Variants in CNGB1 observed in about 807,000 individuals in gnomAD.
CNGB1 encodes cyclic nucleotide gated channel subunit beta 1, also known as cyclic nucleotide-gated channel beta-1.
CNGB1 carries 126 observed loss-of-function variants against 151.7 expected under a neutral mutation model. That is an observed-to-expected ratio of 0.83 (90% CI 0.72 to 0.96). The LOEUF is 0.96. Among genes scored for constraint, CNGB1 ranks in the 40% least tolerant of loss-of-function variants. The pLI, the probability that CNGB1 is intolerant of heterozygous loss-of-function variation, is 0.00. For synonymous variants in CNGB1, 623 were observed against 635.1 expected (o/e 0.98, Z 0.29); for missense variants, 1,698 against 1,627.0 (o/e 1.04, Z -0.75).
chr16:57,954,631 T>A, intron 12 of CNGB1: 1 of 962,692 alleles, frequency 1.0e-6, no homozygotes, highest in Non-Finnish European at 1.2e-6. Context: ...CCTAAACCCT[T>A]CTTTTAGCTT....
rs1960864970 is a variant in CNGB1 at position 57,916,195 on chromosome 16, T to A, written c.2167-16A>T. The A allele has an allele frequency of 6.2e-7, 1 of 1,611,512 alleles. No homozygotes were observed. Among genetic ancestry groups the A allele is most frequent in the South Asian group, 1.1e-5 (1 of 91,024 alleles). On this transcript the variant is annotated splice_polypyrimidine_tract_variant and intron_variant, in intron 21 of 32. Transcript: ENST00000251102. ...TTTTGTCCGTCTGAAAGAAAGGGAATGATGATGGTGAAATGACCTTACAGC... is the reference window on the plus strand; with the variant it reads ...TTTTGTCCGTCTGAAAGAAAGGGAAAGATGATGGTGAAATGACCTTACAGC...
Position 57,914,519 on chromosome 16 carries a change from C to T in CNGB1, c.2304+730G>A, listed in dbSNP as rs8054728. On this transcript the variant is annotated intron_variant, in intron 23 of 32. Coordinates refer to ENST00000251102, the MANE Select transcript of CNGB1 (RefSeq NM_001297.5). ...GCATTTTTTGTAAATTCCCTCAGTA[C>T]TGTTTTCAGAAAAAGGCACCAGTCT... Among the ~76,000 whole-genome samples the T allele has an allele frequency of 3.0e-3, 453 of 152,322 alleles. 1 individual carries two copies. Among genetic ancestry groups the T allele is most frequent in the African/African-American group, 9.6e-3 (399 of 41,566 alleles).
chr16:57,887,947 CCCCCTTGCCA>C lies in CNGB1; in HGVS notation c.3360_3369del (p.Gly1121GlnfsTer100). 6.2e-7 allele frequency: 1 copy of C among 1,614,206 alleles called. No homozygotes were observed. Among genetic ancestry groups the C allele is most frequent in the Non-Finnish European group, 8.5e-7 (1 of 1,180,040 alleles). On this transcript the variant is annotated frameshift_variant, in exon 32 of 33. Coordinates refer to ENST00000251102, the MANE Select transcript of CNGB1 (RefSeq NM_001297.5). LOFTEE classifies it high-confidence loss of function. ...AGGTGAGCAAGTTTGCCGCCTTTTG[CCCCCTTGCCA>C]CCCATCTTTCCTGTCATAGCGAGGG...
intron 29 of CNGB1, among the ~76,000 whole-genome samples, chr16:57,900,875 C>T (rs955270225): frequency 5.9e-5 from 9 of 151,900 alleles, no homozygotes; most frequent in African/African-American, 2.2e-4. Flanking sequence ...AAAAAACCCA[C>T]AGAATACCTG....
Position 57,918,096 on chromosome 16 carries a change from C to T in CNGB1, c.1958-620G>A, listed in dbSNP as rs1960927473. ...ATGGATGGATGGATAGATGGGTATT[C>T]CAGATCATCTGGTTATTTATTTATT... is the stretch of plus-strand genomic sequence containing the variant. On this transcript the variant is annotated intron_variant, in intron 20 of 32. Transcript: ENST00000251102. Among the ~76,000 whole-genome samples the T allele has an allele frequency of 4.0e-5, 6 of 149,260 alleles. No homozygotes were observed. The South Asian group carries it at 1.3e-3, about 32-fold the overall frequency.
At chr16:57,915,401 G>A (rs1313557019) in intron 22 of CNGB1, 66 bp from the exon 23 acceptor site, 1 of 1,226,744 alleles carries the variant, frequency 8.2e-7, no homozygotes, top group Non-Finnish European at 1.2e-6. Flanking sequence ...TGAGGGGAGT[G>A]AGAGGCGGAG....
intron 16 of CNGB1, among the ~76,000 whole-genome samples, chr16:57,932,980 T>C (rs545066171): frequency 2.6e-5 from 4 of 152,254 alleles, no homozygotes; most frequent in South Asian, 2.1e-4. Flanking sequence ...AGTGGCACGA[T>C]TGCAGCTCAC....
chr16:57,965,839 A>G (rs1447436666), intron 2 of CNGB1, among the ~76,000 whole-genome samples: 2 of 152,222 alleles, frequency 1.3e-5, no homozygotes, highest in Non-Finnish European at 2.9e-5. Flanking sequence ...ACATGCATTC[A>G]TGTACATATA....
intron 14 of CNGB1, among the ~76,000 whole-genome samples, chr16:57,947,657 A>C (rs1488054234): frequency 6.6e-6 from 1 of 152,222 alleles, no homozygotes; most frequent in Non-Finnish European, 1.5e-5. Flanking sequence ...TCAAGGATGG[A>C]AAGAGTCTAT....
intron 29 of CNGB1, among the ~76,000 whole-genome samples, chr16:57,899,589 G>T (rs992526903): frequency 6.6e-6 from 1 of 152,152 alleles, no homozygotes; most frequent in Non-Finnish European, 1.5e-5. Flanking sequence ...GCAGTGAGCC[G>T]AGATAGTGCC....
chr16:57,939,345 G>T, intron 16 of CNGB1, 85 bp downstream of exon 16: 1 of 1,579,208 alleles, frequency 6.3e-7, no homozygotes, highest in South Asian at 1.1e-5. Context: ...GAGGAGGAGG[G>T]GTTGCCCCTG....
chr16:57,963,800 A>G, intron 4 of CNGB1: 1 of 361,322 alleles, frequency 2.8e-6, no homozygotes, highest in Non-Finnish European at 5.1e-6. Context: ...CCTGCCCTCA[A>G]GGGGCTAACA....
chr16:57,887,082 C>T (rs1271005006), intron 32 of CNGB1, among the ~76,000 whole-genome samples: 2 of 152,276 alleles, frequency 1.3e-5, no homozygotes, highest in Non-Finnish European at 2.9e-5. Flanking sequence ...GACAAGTTCT[C>T]GCTATGTTGC....
intron 32 of CNGB1, among the ~76,000 whole-genome samples, chr16:57,886,631 T>C (rs749037597): frequency 1.3e-5 from 2 of 152,168 alleles, no homozygotes; most frequent in Non-Finnish European, 2.9e-5. Flanking sequence ...TTCACTGGGC[T>C]CCTTTGAACT....
Position 57,903,955 on chromosome 16 carries a change from G to A in CNGB1, c.2661C>T (p.Thr887=), listed in dbSNP as rs1204094593. ...AGCTGCGGTAGTAGGTCTGTCCGGC[G>A]GTGGCGGCCCCTACCACATCTCTCA... ...GQMRDVVGAA[T]AGQTYYRSCM... The change falls in exon 27 of 33, where the codon ACC becomes ACT. Residue 887 remains threonine, a synonymous_variant. Transcript: ENST00000251102. The A allele has an allele frequency of 9.3e-6, 15 of 1,613,802 alleles. No homozygotes were observed. Among genetic ancestry groups the A allele is most frequent in the Admixed American group, 8.3e-5 (5 of 59,984 alleles).
chr16:57,917,935 T>C (rs1960921646), intron 20 of CNGB1, among the ~76,000 whole-genome samples: 1 of 152,076 alleles, frequency 6.6e-6, no homozygotes, highest in African/African-American at 2.4e-5. Flanking sequence ...TTTGCTTTTA[T>C]TCTTCTTTAA....
chr16:57,882,510 T>C lies in CNGB1; in HGVS notation c.*1654A>G, dbSNP rs1959782574. The C allele has an allele frequency of 6.6e-6, 1 of 152,152 alleles. No homozygotes were observed. The highest frequency in any genetic ancestry group is 2.4e-5 in the African/African-American group (1 of 41,444). 9.4% of individuals were successfully genotyped at this position (152,152 alleles called of 1,614,324 possible). A position where few individuals can be genotyped will look rare whatever the true frequency, so the allele number is the denominator to read the frequency against. ...TTCTTTCATTTTTCCACAGTGGAAA[T>C]GAATGTTGTTTTTAGTGGATGGACA... is the stretch of plus-strand genomic sequence containing the variant. On this transcript the variant is annotated 3_prime_UTR_variant, in exon 33 of 33. Coordinates refer to ENST00000251102, the MANE Select transcript of CNGB1 (RefSeq NM_001297.5).
intron 12 of CNGB1, 97 bp from the exon 13 acceptor site, chr16:57,950,637 C>T: frequency 7.7e-7 from 1 of 1,304,788 alleles, no homozygotes; most frequent in Non-Finnish European, 1.1e-6. Flanking sequence ...CTGGCTGTCG[C>T]CAGCAGTGCC....
chr16:57,957,680 G>T (rs544775262), intron 11 of CNGB1, among the ~76,000 whole-genome samples: 1 of 152,348 alleles, frequency 6.6e-6, no homozygotes, highest in East Asian at 1.9e-4. Context: ...AAAGGCCCAG[G>T]ACCTGGCCAG....
Sources: gnomAD v4.1 joint callset for allele counts (sites outside exome capture counted in the v4.1 genomes callset) on GRCh38, gnomAD v4.1.1 for gene constraint, MANE v1.5 for transcripts, NCBI Gene and HGNC (gene_info 2026-07-23, HGNC 2026-07-21) for gene names.